Variants in LRP1B observed in about 807,000 individuals in gnomAD.
LRP1B encodes low-density lipoprotein receptor-related protein 1B.
In LRP1B, 217 loss-of-function variants were observed where a neutral mutation model predicts 556.6. That is an observed-to-expected ratio of 0.39 (90% confidence interval 0.35 to 0.44). LRP1B has a LOEUF of 0.44. Ranked by LOEUF, LRP1B falls within the 20% of genes least tolerant of loss-of-function variation. LRP1B has a pLI of 1.00. For missense variants in LRP1B, 5,053 were observed against 5,620.8 expected (o/e 0.90, Z 3.23); for synonymous variants, 2,047 against 1,865.8 (o/e 1.10, Z -2.50).
intron 3 of LRP1B, among the ~76,000 whole-genome samples, chr2:141,284,402 T>C (rs146697763): frequency 3.1e-3 from 473 of 152,258 alleles, no homozygotes; most frequent in Non-Finnish European, 5.8e-3. Flanking sequence ...GAAAGAAAGA[T>C]TGGAAATACG....
chr2:140,564,308 A>G (rs765115322), intron 43 of LRP1B, among the ~76,000 whole-genome samples: 4 of 152,122 alleles, frequency 2.6e-5, no homozygotes, highest in Non-Finnish European at 5.9e-5. Context: ...AATCCTTTAG[A>G]TATTCACTTT....
chr2:141,948,738 G>A (rs1011230500), intron 1 of LRP1B, among the ~76,000 whole-genome samples: 1 of 151,906 alleles, frequency 6.6e-6, no homozygotes, highest in African/African-American at 2.4e-5. Context: ...AAATAAATAT[G>A]GTTGTCAAGT....
At chr2:141,858,730 G>A (rs764070395) in intron 1 of LRP1B, among the ~76,000 whole-genome samples, 1 of 152,054 alleles carries the variant, frequency 6.6e-6, no homozygotes, top group African/African-American at 2.4e-5. Context: ...AACACACCAG[G>A]CAACATACTG....
chr2:141,629,167 C>A (rs1316568985), intron 2 of LRP1B, among the ~76,000 whole-genome samples: 4 of 152,092 alleles, frequency 2.6e-5, no homozygotes, highest in Non-Finnish European at 4.4e-5. Context: ...GCAAGGTTTA[C>A]AGTTTGCTAA....
Position 140,314,835 on chromosome 2 carries a change from T to G in LRP1B, c.12805+100A>C, listed in dbSNP as rs1394986531. The G allele has an allele frequency of 5.2e-6, 4 of 773,942 alleles. No homozygotes were observed. The South Asian group carries it at 9.0e-5, about 17-fold the overall frequency. 47.9% of individuals were successfully genotyped at this position (773,942 alleles called of 1,614,324 possible). A position where few individuals can be genotyped will look rare whatever the true frequency, so the allele number is the denominator to read the frequency against. ...TTATATTGTGTTAGTCTATTGTTCA[T>G]TAAGATATTAGGAAGTATATTTGTA... On this transcript the variant is annotated intron_variant, in intron 83 of 90. Coordinates refer to ENST00000389484, the MANE Select transcript of LRP1B (RefSeq NM_018557.3).
intron 14 of LRP1B, among the ~76,000 whole-genome samples, chr2:141,006,136 A>G (rs1697568179): frequency 6.6e-6 from 1 of 152,004 alleles, no homozygotes; most frequent in African/African-American, 2.4e-5. Flanking sequence ...ACCCTTGCAG[A>G]CTCTCAGATA....
chr2:141,074,356 T>C (rs1333256064), intron 7 of LRP1B, among the ~76,000 whole-genome samples: 1 of 152,064 alleles, frequency 6.6e-6, no homozygotes, highest in Non-Finnish European at 1.5e-5. Context: ...ATCAATTAGA[T>C]CTACCTGACA....
In LRP1B at chr2:140,857,328, C is replaced by T. The variant is rs577181590; in HGVS notation, c.4580-5545G>A. ...AACTAATATTCATCCTGTTAATGAA[C>T]CTTATTTGTATGAGAACAATTACTC... is the stretch of plus-strand genomic sequence containing the variant. On this transcript the variant is annotated intron_variant, in intron 27 of 90. Coordinates refer to ENST00000389484, the MANE Select transcript of LRP1B (RefSeq NM_018557.3). 1.2e-4 allele frequency among the ~76,000 whole-genome samples: 19 copies of T among 152,108 alleles called. No individual in the cohort carries two copies. The East Asian group carries it at 3.5e-3, about 28-fold the overall frequency.
At chr2:140,305,765 T>G (rs1684038685) in intron 83 of LRP1B, among the ~76,000 whole-genome samples, 1 of 152,132 alleles carries the variant, frequency 6.6e-6, no homozygotes, top group Non-Finnish European at 1.5e-5. Context: ...TTTTTGTCCA[T>G]TCAGTATGAT....
intron 1 of LRP1B, among the ~76,000 whole-genome samples, chr2:141,812,483 T>C (rs908766834): frequency 3.3e-5 from 5 of 152,068 alleles, no homozygotes; most frequent in African/African-American, 9.7e-5. Context: ...TATCAAATTG[T>C]TATGTGGAGA....
At chr2:141,153,530 ATATAT>A (rs1379454204) in intron 7 of LRP1B, among the ~76,000 whole-genome samples, 3 of 127,690 alleles carry the variant, frequency 2.3e-5, no homozygotes, top group African/African-American at 9.0e-5. Context: ...CTATATATTT[ATATAT>A]AATATATTAT....
intron 18 of LRP1B, among the ~76,000 whole-genome samples, chr2:140,972,393 A>G (rs1377884085): frequency 6.6e-6 from 1 of 152,204 alleles, no homozygotes; most frequent in Non-Finnish European, 1.5e-5. Context: ...TATCAACAGA[A>G]GGGAAAGTAG....
At chr2:140,547,358 AT>A (rs962744044) in intron 43 of LRP1B, among the ~76,000 whole-genome samples, 1 of 151,902 alleles carries the variant, frequency 6.6e-6, no homozygotes, top group Non-Finnish European at 1.5e-5. Context: ...CAGGGATTCA[AT>A]TTTTTTCCTG....
intron 7 of LRP1B, among the ~76,000 whole-genome samples, chr2:141,074,770 T>C (rs4954687): frequency 0.81 from 123,356 of 151,636 alleles, 50,459 homozygotes; most frequent in Non-Finnish European, 0.85. Context: ...CATTCTGGCA[T>C]AGAAAAATAC....
intron 2 of LRP1B, among the ~76,000 whole-genome samples, chr2:141,737,398 A>G (rs542726067): frequency 6.6e-5 from 10 of 152,286 alleles, no homozygotes; most frequent in African/African-American, 2.4e-4. Flanking sequence ...CCTACAGCCC[A>G]GTGCTGACTT....
intron 1 of LRP1B, among the ~76,000 whole-genome samples, chr2:142,115,622 A>AATATATATTATATATT (rs1559079946): frequency 6.1e-5 from 2 of 32,652 alleles, no homozygotes; most frequent in African/African-American, 2.0e-4. Context: ...ATATATATGT[A>AATATATATTATATATT]ATATATATAT....
intron 3 of LRP1B, among the ~76,000 whole-genome samples, chr2:141,414,425 T>G (rs1691009083): frequency 6.6e-6 from 1 of 151,424 alleles, no homozygotes; most frequent in East Asian, 2.0e-4. Context: ...CCCCTCATAC[T>G]GTGCCTCTTA....
rs1323338700 is a variant in LRP1B, at chr2:140,700,615, T to G, written c.6434A>C (p.Asn2145Thr). Residue 2145 changes from asparagine to threonine, a missense_variant, in exon 41 of 91, where the codon AAT (asparagine) becomes ACT (threonine). Physicochemically the swap from Asn to Thr is moderately conservative, Grantham distance 65 (BLOSUM62 0). Around this residue, in one of 5 missense-constraint regions of LRP1B, gnomAD observed 3,619 missense variants for 3,931.9 expected, o/e 0.92. Coordinates refer to ENST00000389484, the MANE Select transcript of LRP1B (RefSeq NM_018557.3). ...GCCACCATTGTCCCTGGCACAAACA[T>G]TGGTCCCTAATGAAGAAAAATGATA... ...IFNRVREKGT[N>T]VCARDNGGCK... The G allele has an allele frequency of 1.9e-6, 3 of 1,613,284 alleles. No homozygotes were observed. Among genetic ancestry groups the G allele is most frequent in the Admixed American group, 1.7e-5 (1 of 59,938 alleles).
At chr2:141,709,385 A>AAAAT (rs1553452067) in intron 2 of LRP1B, among the ~76,000 whole-genome samples, 13 of 150,614 alleles carry the variant, frequency 8.6e-5, no homozygotes, top group African/African-American at 2.9e-4. Flanking sequence ...AAAATAAAAT[A>AAAAT]AAATAAAATA....
Sources: allele counts gnomAD v4.1 joint callset (sites outside exome capture counted in the v4.1 genomes callset), GRCh38; gene constraint gnomAD v4.1.1; regional missense constraint gnomAD v4.1.1; transcripts MANE v1.5; gene names NCBI Gene and HGNC (gene_info 2026-07-23, HGNC 2026-07-21).